The following GLIS1 variants were observed in gnomAD, a reference collection of about 807,000 sequenced individuals.
GLIS1 encodes the protein GLIS family zinc finger 1.
A neutral mutation model predicts 63.8 loss-of-function variants in GLIS1; 24 were observed. The ratio of observed to expected loss-of-function variants is 0.38; its 90% CI spans 0.27 to 0.53. The LOEUF is 0.53. Ranked by LOEUF, GLIS1 falls within the 20% of genes least tolerant of loss-of-function variation. GLIS1 has a pLI of 0.85. For synonymous variants in GLIS1, 450 were observed against 482.5 expected, an observed-to-expected ratio of 0.93 and a Z score of 0.88; for missense variants, 1,036 against 1,074.1, an observed-to-expected ratio of 0.96 and a Z score of 0.50.
chr1:53,532,348 G>C (rs2100340036), intron 4 of GLIS1, among the ~76,000 whole-genome samples: 1 of 152,254 alleles, frequency 6.6e-6, no homozygotes, highest in East Asian at 1.9e-4. Context: ...AGATATGAGA[G>C]ACACAAGAGA....
At chr1:53,576,593 C>T (rs1277524424) in intron 4 of GLIS1, among the ~76,000 whole-genome samples, 1 of 152,190 alleles carries the variant, frequency 6.6e-6, no homozygotes, top group African/African-American at 2.4e-5. Context: ...ATGCCTCTCC[C>T]TGTCCTTCTG....
At chr1:53,603,157 A>C (rs1291678579) in intron 2 of GLIS1, among the ~76,000 whole-genome samples, 3 of 152,266 alleles carry the variant, frequency 2.0e-5, no homozygotes, top group Admixed American at 6.5e-5. Context: ...TAAATAAACA[A>C]ACCAGCTTTG....
chr1:53,559,603 C>A (rs887136910), intron 4 of GLIS1, among the ~76,000 whole-genome samples: 3 of 152,200 alleles, frequency 2.0e-5, no homozygotes, highest in Non-Finnish European at 2.9e-5. Context: ...TCTGCTCCCC[C>A]TCAGGGTCGA....
chr1:53,571,205 G>A (rs76890273), intron 4 of GLIS1, among the ~76,000 whole-genome samples: 1,716 of 152,290 alleles, frequency 0.011, 28 homozygotes, highest in African/African-American at 0.035. Flanking sequence ...TTAAGACCAC[G>A]AGATGCCATT....
At chr1:53,634,650 CTT>C (rs1645703890) in intron 2 of GLIS1, among the ~76,000 whole-genome samples, 2 of 152,166 alleles carry the variant, frequency 1.3e-5, no homozygotes, top group Admixed American at 6.5e-5. Context: ...GCTCTGGACT[CTT>C]CTAGCACCTG....
rs926811541 is a variant in GLIS1 at position 53,715,664 on chromosome 1, G to A, written c.259+22142C>T. The stretch of plus-strand genomic sequence containing the variant: ...GGACTGAGGCAGGGACGCCAGCAGG[G>A]GGCGGCAAGAAGGAGCTGCCGGTGC... On this transcript the variant is annotated intron_variant, in intron 2 of 10. Transcript: ENST00000628545. 5.3e-5 allele frequency among the ~76,000 whole-genome samples: 8 copies of A among 152,232 alleles called. No individual in the cohort carries two copies. In the South Asian group the frequency reaches 6.2e-4, roughly 12 times the overall value.
intron 2 of GLIS1, among the ~76,000 whole-genome samples, chr1:53,695,107 C>T (rs1016029337): frequency 4.0e-5 from 6 of 151,268 alleles, no homozygotes; most frequent in African/African-American, 7.3e-5. Context: ...GTGTGTGTAA[C>T]GAAGCCCTGC....
rs116686348 is a variant in GLIS1 at position 53,709,932 on chromosome 1, G to A, written c.259+27874C>T. The stretch of plus-strand genomic sequence containing the variant: ...TGGAGGGACAGGTACAAAGGGACAT[G>A]GGAGTCCCCACAGATGTACAGGATG... On this transcript the variant is annotated intron_variant, in intron 2 of 10. Transcript: ENST00000628545. 4.7e-3 allele frequency among the ~76,000 whole-genome samples: 722 copies of A among 152,262 alleles called. 6 individuals are homozygous for A. The highest frequency in any genetic ancestry group is 0.015 in the African/African-American group (610 of 41,532).
chr1:53,543,713 C>T (rs940777536), intron 4 of GLIS1, among the ~76,000 whole-genome samples: 1 of 151,868 alleles, frequency 6.6e-6, no homozygotes, highest in African/African-American at 2.4e-5. Flanking sequence ...GCCAGCTGTT[C>T]GGCTCAGAAC....
intron 4 of GLIS1, among the ~76,000 whole-genome samples, chr1:53,532,183 C>A (rs1644537997): frequency 6.6e-6 from 1 of 152,218 alleles, no homozygotes; most frequent in East Asian, 1.9e-4. Flanking sequence ...CAGATATGTG[C>A]CCTAGGAAGA....
chr1:53,591,786 A>G (rs1645195085), intron 4 of GLIS1, among the ~76,000 whole-genome samples: 1 of 152,234 alleles, frequency 6.6e-6, no homozygotes, highest in South Asian at 2.1e-4. Flanking sequence ...TGGAAGAGGC[A>G]AGACCAAGTG....
At chr1:53,692,708 G>C (rs1474198293) in intron 2 of GLIS1, among the ~76,000 whole-genome samples, 1 of 152,230 alleles carries the variant, frequency 6.6e-6, no homozygotes, top group Admixed American at 6.5e-5. Context: ...TGAGTTTTTG[G>C]AGGGCTTGGC....
chr1:53,720,804 G>A (rs2100548927), intron 2 of GLIS1, among the ~76,000 whole-genome samples: 1 of 152,240 alleles, frequency 6.6e-6, no homozygotes, highest in African/African-American at 2.4e-5. Context: ...TAGTTTCTGA[G>A]CCTGGGCAAC....
chr1:53,545,118 C>T (rs936376789), intron 4 of GLIS1, among the ~76,000 whole-genome samples: 2 of 152,206 alleles, frequency 1.3e-5, no homozygotes, highest in African/African-American at 4.8e-5. Flanking sequence ...TCCTGATTCC[C>T]CTCCAATTCT....
chr1:53,572,087 G>A (rs1313611853), intron 4 of GLIS1, among the ~76,000 whole-genome samples: 1 of 152,156 alleles, frequency 6.6e-6, no homozygotes, highest in Non-Finnish European at 1.5e-5. Flanking sequence ...ATTTTGTTAT[G>A]CTTTATTGCT....
chr1:53,546,854 G>A (rs982721896), intron 4 of GLIS1, among the ~76,000 whole-genome samples: 2 of 152,198 alleles, frequency 1.3e-5, no homozygotes, highest in Non-Finnish European at 2.9e-5. Flanking sequence ...AGACTAGGCT[G>A]CCCTGGGGTC....
chr1:53,535,011 G>A lies in GLIS1; in HGVS notation c.1321-5059C>T, dbSNP rs373483225. ...AGCCAGGAAAAGCATTCCAGGGAGA[G>A]GGCAAAGCATGAACAAAAGCAGGGA... On this transcript the variant is annotated intron_variant, in intron 4 of 10. Transcript: ENST00000628545. Among the ~76,000 whole-genome samples, 6 of 152,012 alleles carry A rather than the reference G, an allele frequency of 3.9e-5. No homozygotes were observed. The East Asian group carries it at 9.6e-4, about 24-fold the overall frequency.
Position 53,526,957 on chromosome 1 carries a change from C to T in GLIS1, c.1483-2070G>A, listed in dbSNP as rs553854. Among the ~76,000 whole-genome samples the T allele has an allele frequency of 0.15, 22,528 of 152,220 alleles. 3,455 individuals are homozygous for T. The highest frequency in any genetic ancestry group is 0.51 in the East Asian group (2,596 of 5,138). ...CCCTCTGTCTGTAATGAGGACGCTC[C>T]GGGTGAGTCTGCCGTGCGGAGCCCC... On this transcript the variant is annotated intron_variant, in intron 5 of 10. Transcript: ENST00000628545. This position sits in a 1 kb window ranked among gnomAD's most constrained non-coding sequence, Gnocchi z 4.4.
rs79344578 is a variant in GLIS1, at chr1:53,725,037, T to C, written c.259+12769A>G. On this transcript the variant is annotated intron_variant, in intron 2 of 10. Coordinates refer to ENST00000628545, the MANE Select transcript of GLIS1 (RefSeq NM_001367484.1). ...ATAGCTCTTCCGTATTCTGAGTGCA[T>C]AGCAGCCAGAGCCATGGAGAGAGTG... is the stretch of plus-strand genomic sequence containing the variant. Among the ~76,000 whole-genome samples the C allele has an allele frequency of 5.7e-3, 874 of 152,210 alleles. 3 individuals carry two copies. The highest frequency in any genetic ancestry group is 0.015 in the African/African-American group (624 of 41,532).
Sources: allele counts gnomAD v4.1 joint callset (sites outside exome capture counted in the v4.1 genomes callset), GRCh38; gene constraint gnomAD v4.1.1; non-coding constraint Gnocchi (gnomAD v3.1); transcripts MANE v1.5; gene names NCBI Gene and HGNC (gene_info 2026-07-23, HGNC 2026-07-21).